Variants in ANKRD17 observed in about 807,000 individuals in gnomAD.
ANKRD17 encodes ankyrin repeat domain-containing protein 17.
ANKRD17 carries 19 observed loss-of-function variants against 229.7 expected under a neutral mutation model. The ratio of observed to expected loss-of-function variants is 0.08; its 90% confidence interval spans 0.06 to 0.12. ANKRD17 has a LOEUF of 0.12. ANKRD17 is among the 10% of genes least tolerant of loss of function. The probability of loss-of-function intolerance (pLI) is 1.00; values close to 1 mark genes in which losing one functional copy is unlikely to be tolerated. For synonymous variants in ANKRD17, 1,112 were observed against 1,146.1 expected (o/e 0.97, Z 0.60); for missense variants, 2,176 against 3,176.8 (o/e 0.68, Z 7.57).
intron 12 of ANKRD17, 105 bp downstream of exon 12, chr4:73,142,535 C>T: frequency 2.5e-6 from 4 of 1,588,072 alleles, no homozygotes; most frequent in Admixed American, 3.7e-5. Context: ...AGAAAATTTA[C>T]ACTTAGAATG....
chr4:73,185,399 A>G (rs1355097831), intron 1 of ANKRD17, among the ~76,000 whole-genome samples: 1 of 151,872 alleles, frequency 6.6e-6, no homozygotes, highest in African/African-American at 2.4e-5. Flanking sequence ...CATTTCAGAA[A>G]AGGTGTTCTA....
intron 28 of ANKRD17, among the ~76,000 whole-genome samples, chr4:73,093,634 A>G (rs562628958): frequency 8.5e-5 from 13 of 152,286 alleles, no homozygotes; most frequent in African/African-American, 1.2e-4. Flanking sequence ...TCAGCCTCCC[A>G]AAGTGCTGGG....
intron 2 of ANKRD17, chr4:73,168,892 G>A (rs982981645): frequency 6.6e-6 from 1 of 152,134 alleles, no homozygotes; most frequent in Non-Finnish European, 1.5e-5. Flanking sequence ...CCGAGGTAAT[G>A]AGCATAGTAT....
At chr4:73,218,142 A>G (rs974149490) in intron 1 of ANKRD17, among the ~76,000 whole-genome samples, 1 of 152,252 alleles carries the variant, frequency 6.6e-6, no homozygotes, top group Admixed American at 6.5e-5. Flanking sequence ...ACATATAACA[A>G]AAAGATTTGC....
rs867473616 is a variant in ANKRD17 at position 73,125,261 on chromosome 4, C to T, written c.3286G>A (p.Glu1096Lys). 3 of 1,613,794 alleles carry T rather than the reference C, an allele frequency of 1.9e-6. No homozygotes were observed. Among genetic ancestry groups the T allele is most frequent in the Non-Finnish European group, 2.5e-6 (3 of 1,179,964 alleles). ...TCTAGCAGTGTTTGTACCAGTTCCT[C>T]GTGGCCACCAGCACAGGCAAGTGTT... ...ALTLACAGGH[E>K]ELVQTLLERG... The change falls in exon 17 of 34, where the codon GAG becomes AAG. Residue 1096 changes from glutamate (E) to lysine (K), a missense_variant. This residue lies in a region of ANKRD17 where 178 missense variants were observed against 421.7 expected (regional missense o/e 0.42). Coordinates refer to ENST00000358602, the MANE Select transcript of ANKRD17 (RefSeq NM_032217.5).
rs757162986 is a variant in ANKRD17, at chr4:73,135,185, T to G, written c.3166A>C (p.Thr1056Pro). 1 of 1,613,566 alleles carries G rather than the reference T, an allele frequency of 6.2e-7. No homozygotes were observed. The highest frequency in any genetic ancestry group is 1.1e-5 in the South Asian group (1 of 91,060). Residue 1056 changes from threonine to proline, a missense_variant, in exon 16 of 34, where the codon ACT (threonine) becomes CCT (proline). Thr to Pro is a conservative substitution (Grantham distance 38). Around this residue, in one of 18 missense-constraint regions of ANKRD17, gnomAD observed 230 missense variants for 252.3 expected, o/e 0.91. Transcript: ENST00000358602. ...AASISQPQTP[T>P]PSPIISPSAM... is the part of the protein sequence containing the mutation. ...GAAGGAGAGATGATAGGACTTGGAG[T>G]TGGAGTCTGAGGTTGGGAAATGGAT... is the stretch of plus-strand genomic sequence containing the variant.
At chr4:73,192,227 C>T (rs1464515968) in intron 1 of ANKRD17, among the ~76,000 whole-genome samples, 1 of 151,900 alleles carries the variant, frequency 6.6e-6, no homozygotes, top group Non-Finnish European at 1.5e-5. Context: ...TTGCTCTATC[C>T]CCTGTATCTA....
chr4:73,094,303 G>A (rs1448992611), intron 27 of ANKRD17, 75 bp from the exon 28 acceptor site: 3 of 1,318,522 alleles, frequency 2.3e-6, no homozygotes, highest in Non-Finnish European at 3.2e-6. Flanking sequence ...AGAGGAAAGA[G>A]TATTACTAAA....
intron 22 of ANKRD17, among the ~76,000 whole-genome samples, chr4:73,117,415 C>G (rs1028223372): frequency 6.6e-6 from 1 of 152,142 alleles, no homozygotes; most frequent in East Asian, 1.9e-4. Flanking sequence ...TGGGGAGACA[C>G]AGAAAGGTTC....
At chr4:73,183,944 C>T (rs2149029620) in intron 1 of ANKRD17, among the ~76,000 whole-genome samples, 1 of 152,218 alleles carries the variant, frequency 6.6e-6, no homozygotes, top group Middle Eastern at 3.4e-3. Context: ...TTTTCACTTT[C>T]TCCCCAAATT....
intron 1 of ANKRD17, chr4:73,222,889 T>C: frequency 9.1e-7 from 1 of 1,097,792 alleles, no homozygotes; most frequent in Non-Finnish European, 1.3e-6. Flanking sequence ...TCTCCTCTAA[T>C]CTATTCATCT....
intron 7 of ANKRD17, among the ~76,000 whole-genome samples, chr4:73,149,366 T>A (rs943784344): frequency 1.3e-5 from 2 of 151,932 alleles, no homozygotes; most frequent in Admixed American, 1.3e-4. Flanking sequence ...CAACACTATA[T>A]GGTACAAACT....
chr4:73,180,292 A>G (rs1283303590), intron 1 of ANKRD17, among the ~76,000 whole-genome samples: 4 of 152,164 alleles, frequency 2.6e-5, no homozygotes, highest in Admixed American at 2.6e-4. Context: ...ACTGGCAAGT[A>G]AAAAATTTCT....
chr4:73,227,886 T>C (rs528819382), intron 1 of ANKRD17, among the ~76,000 whole-genome samples: 2 of 152,166 alleles, frequency 1.3e-5, no homozygotes, highest in African/African-American at 2.4e-5. Flanking sequence ...GTTCCCTTCA[T>C]GTAAAACTTT....
At chr4:73,117,484 C>T (rs1416853988) in intron 22 of ANKRD17, among the ~76,000 whole-genome samples, 4 of 152,112 alleles carry the variant, frequency 2.6e-5, no homozygotes, top group Non-Finnish European at 2.9e-5. Flanking sequence ...TAATGATATG[C>T]TAGCTTGCTT....
chr4:73,095,079 C>G (rs1723156638), intron 27 of ANKRD17, among the ~76,000 whole-genome samples: 1 of 151,932 alleles, frequency 6.6e-6, no homozygotes, highest in South Asian at 2.1e-4. Flanking sequence ...GAGGCTGAGG[C>G]AGGAGAATCA....
At position 73,258,442 on chromosome 4, in the gene ANKRD17, C is replaced by T. The variant is rs1320770866; in HGVS notation, c.227G>A (p.Arg76His). 6 of 1,609,540 alleles carry T rather than the reference C, an allele frequency of 3.7e-6. No individual in the cohort carries two copies. In the African/African-American group the frequency reaches 8.0e-5, roughly 22 times the overall value. ...GCTGGGGGGTCGGCAAGTCCGGTTA[C>T]GCTTGGCCTTGTGGTGCTGCTGCTG... ...PPQQQHHKAK[R>H]NRTCRPPSSS... is the part of the protein sequence containing the mutation. The change falls in exon 1 of 34, where the codon CGT becomes CAT. Residue 76 changes from arginine to histidine, a missense_variant. Around this residue, in one of 18 missense-constraint regions of ANKRD17, gnomAD observed 196 missense variants for 190.0 expected, o/e 1.03. Coordinates refer to ENST00000358602, the MANE Select transcript of ANKRD17 (RefSeq NM_032217.5).
At chr4:73,098,603 AC>A in intron 25 of ANKRD17, 83 bp from the exon 26 acceptor site, 1 of 1,296,712 alleles carries the variant, frequency 7.7e-7, no homozygotes, top group Non-Finnish European at 1.1e-6. Context: ...GAAAAGAAAA[AC>A]CCAGGAGAGA....
At position 73,097,281 on chromosome 4, in the gene ANKRD17, A is replaced by T; in HGVS notation, c.5022-9T>A. The T allele has an allele frequency of 6.4e-7, 1 of 1,568,208 alleles. No homozygotes were observed. The highest frequency in any genetic ancestry group is 8.6e-7 in the Non-Finnish European group (1 of 1,161,454). On this transcript the variant is annotated splice_polypyrimidine_tract_variant and intron_variant, in intron 26 of 33. Coordinates refer to ENST00000358602, the MANE Select transcript of ANKRD17 (RefSeq NM_032217.5). ...TGATAGTTTCTGACAATCTTTAACAAAGAGAGGGAAAGTACATTAAATATG... is the reference window on the plus strand; with the variant it reads ...TGATAGTTTCTGACAATCTTTAACATAGAGAGGGAAAGTACATTAAATATG...
Sources: allele counts gnomAD v4.1 joint callset (sites outside exome capture counted in the v4.1 genomes callset), GRCh38; gene constraint gnomAD v4.1.1; regional missense constraint gnomAD v4.1.1; transcripts MANE v1.5; gene names NCBI Gene and HGNC (gene_info 2026-07-23, HGNC 2026-07-21).